CELF5: variants seen among roughly 807,000 people sequenced by gnomAD.
CELF5 encodes CUG-BP and ETR-3 like factor 5.
CELF5 carries 6 observed loss-of-function variants against 54.9 expected under a neutral mutation model. The ratio of observed to expected loss-of-function variants is 0.11; its 90% CI spans 0.06 to 0.22. CELF5 has a LOEUF of 0.22. Among genes scored for constraint, CELF5 ranks in the 10% least tolerant of loss-of-function variants. The pLI is 1.00. For missense variants in CELF5, 401 were observed against 678.6 expected, an observed-to-expected ratio of 0.59 and a Z score of 4.54; for synonymous variants, 271 against 290.9, an observed-to-expected ratio of 0.93 and a Z score of 0.70.
intron 1 of CELF5, among the ~76,000 whole-genome samples, chr19:3,237,311 CAAAAAAAAAA>C (rs1182124877): frequency 2.4e-5 from 1 of 42,254 alleles, no homozygotes; most frequent in Non-Finnish European, 4.4e-5. Context: ...GACTCCGTCT[CAAAAAAAAAA>C]AAAAAAAAAA....
intron 11 of CELF5, 41 bp from the exon 12 acceptor site, chr19:3,293,278 C>G: frequency 6.2e-7 from 1 of 1,611,330 alleles, no homozygotes; most frequent in Non-Finnish European, 8.5e-7. Context: ...GCCGAGGACA[C>G]CCGCAGCGCC....
chr19:3,237,269 G>T (rs1352887895), intron 1 of CELF5, among the ~76,000 whole-genome samples: 2 of 126,910 alleles, frequency 1.6e-5, no homozygotes, highest in African/African-American at 6.2e-5. Context: ...CCGAGATCAC[G>T]CCACTGCACT....
At chr19:3,234,015 C>T (rs1483664620) in intron 1 of CELF5, among the ~76,000 whole-genome samples, 2 of 152,216 alleles carry the variant, frequency 1.3e-5, no homozygotes, top group African/African-American at 2.4e-5. Flanking sequence ...CCCTCCCATT[C>T]TCCCAGCAGC....
Position 3,224,958 on chromosome 19 carries a change from G to A in CELF5, c.219G>A (p.Glu73=), listed in dbSNP as rs1916800905. The part of the protein sequence containing the change: ...PLFEQFGRIY[E]LTVLKDPYTG... ...TCGAGCAGTTCGGCCGCATCTACGA[G>A]CTCACGGTGCTCAAAGACCCCTACA... is the stretch of plus-strand genomic sequence containing the variant. The change falls in exon 1 of 13, where the codon GAG becomes GAA. Residue 73 remains glutamate (E), a synonymous_variant. Coordinates refer to ENST00000292672, the MANE Select transcript of CELF5 (RefSeq NM_021938.4). The A allele has an allele frequency of 2.5e-6, 4 of 1,606,606 alleles. No homozygotes were observed. Among genetic ancestry groups the A allele is most frequent in the Non-Finnish European group, 3.4e-6 (4 of 1,177,036 alleles).
At chr19:3,238,682 A>C (rs1405507409) in intron 1 of CELF5, among the ~76,000 whole-genome samples, 1 of 152,186 alleles carries the variant, frequency 6.6e-6, no homozygotes, top group African/African-American at 2.4e-5. Context: ...CTGTAATCCC[A>C]GCACTTTGGG....
intron 10 of CELF5, among the ~76,000 whole-genome samples, chr19:3,287,892 A>G (rs915930928): frequency 1.3e-5 from 2 of 152,364 alleles, no homozygotes; most frequent in Admixed American, 6.5e-5. Flanking sequence ...TACAATAAAT[A>G]CCGTGCTTGG....
chr19:3,259,676 C>G (rs2079781267), intron 2 of CELF5, among the ~76,000 whole-genome samples: 1 of 151,988 alleles, frequency 6.6e-6, no homozygotes, highest in Non-Finnish European at 1.5e-5. Flanking sequence ...TCTTGGGGGT[C>G]TGTGGAATCC....
intron 1 of CELF5, among the ~76,000 whole-genome samples, chr19:3,227,628 C>G (rs1253139364): frequency 3.9e-5 from 6 of 152,086 alleles, no homozygotes; most frequent in African/African-American, 1.4e-4. Context: ...CAGCTGGTAC[C>G]ACCTCTAGCC....
intron 10 of CELF5, 35 bp downstream of exon 10, chr19:3,286,060 C>T (rs1461784130): frequency 1.3e-6 from 2 of 1,503,912 alleles, no homozygotes; most frequent in African/African-American, 1.4e-5. Context: ...GGCGCCAGCC[C>T]CGCCCTCTGC....
chr19:3,280,359 T>C (rs1355173322), intron 5 of CELF5, among the ~76,000 whole-genome samples: 2 of 151,136 alleles, frequency 1.3e-5, no homozygotes, highest in Admixed American at 6.6e-5. Flanking sequence ...TCACTTGAGG[T>C]CAGGAGTTAG....
At chr19:3,229,586 G>A (rs1917149754) in intron 1 of CELF5, among the ~76,000 whole-genome samples, 1 of 152,220 alleles carries the variant, frequency 6.6e-6, no homozygotes, top group African/African-American at 2.4e-5. Context: ...GTGGCCTTGG[G>A]CAGATGTCTT....
intron 9 of CELF5, 110 bp downstream of exon 9, chr19:3,285,074 C>T (rs530437954): frequency 8.3e-6 from 7 of 840,706 alleles, no homozygotes; most frequent in Non-Finnish European, 1.3e-5. Context: ...AGCCGCGCCT[C>T]CTACCTCTGG....
chr19:3,276,351 C>T (rs944067978), intron 4 of CELF5, among the ~76,000 whole-genome samples: 10 of 150,458 alleles, frequency 6.6e-5, no homozygotes, highest in African/African-American at 2.4e-4. Context: ...GAGGATGTAG[C>T]CCTGGAGAGG....
intron 1 of CELF5, among the ~76,000 whole-genome samples, chr19:3,231,936 G>T (rs1917286928): frequency 6.6e-6 from 1 of 151,294 alleles, no homozygotes; most frequent in Non-Finnish European, 1.5e-5. Context: ...TGGATGAAAA[G>T]ATGGATGGGT....
chr19:3,233,265 A>G (rs537232688), intron 1 of CELF5, among the ~76,000 whole-genome samples: 2 of 152,252 alleles, frequency 1.3e-5, no homozygotes, highest in Middle Eastern at 3.4e-3. Flanking sequence ...TCCAATCTGG[A>G]AAACAGATCT....
intron 2 of CELF5, among the ~76,000 whole-genome samples, chr19:3,260,307 G>A (rs1296679616): frequency 6.6e-6 from 1 of 151,898 alleles, no homozygotes; most frequent in African/African-American, 2.4e-5. Flanking sequence ...AGTAGAGATG[G>A]GGTTTCGCCA....
At chr19:3,280,060 C>G (rs2145256740) in intron 5 of CELF5, among the ~76,000 whole-genome samples, 1 of 152,320 alleles carries the variant, frequency 6.6e-6, no homozygotes, top group African/African-American at 2.4e-5. Context: ...ACTGCACAGA[C>G]AGACACTCCC....
At chr19:3,289,702 A>AAAAAAAAAAAAAAT in intron 10 of CELF5, among the ~76,000 whole-genome samples, 1 of 142,818 alleles carries the variant, frequency 7.0e-6, no homozygotes, top group Non-Finnish European at 1.6e-5. Context: ...AAAAAAAAAA[A>AAAAAAAAAAAAAAT]AAAAAAAAAA....
In CELF5 at chr19:3,282,026, G is replaced by A. The variant is rs974202587; in HGVS notation, c.751-100G>A. 2.3e-5 allele frequency: 32 copies of A among 1,364,088 alleles called. No homozygotes were observed. Among genetic ancestry groups the A allele is most frequent in the Non-Finnish European group, 3.2e-5 (31 of 969,396 alleles). The allele number at this position is 1,364,088 out of a possible 1,614,324, so 84.5% of individuals were successfully genotyped here. A position where few individuals can be genotyped will look rare whatever the true frequency, so the allele number is the denominator to read the frequency against. On this transcript the variant is annotated intron_variant, in intron 6 of 12. Transcript: ENST00000292672. This position sits in a 1 kb window ranked among gnomAD's most constrained non-coding sequence, Gnocchi z 5.2. ...ATCTCAGCCTGAGCCAAGATACCCA[G>A]CCTGACCTCCTCACTAGTAACTGGG...
Sources: gnomAD v4.1 joint callset for allele counts (sites outside exome capture counted in the v4.1 genomes callset) on GRCh38, gnomAD v4.1.1 for gene constraint, Gnocchi (gnomAD v3.1) non-coding constraint, MANE v1.5 for transcripts, NCBI Gene and HGNC (gene_info 2026-07-23, HGNC 2026-07-21) for gene names.